SANBR: variants seen among roughly 807,000 people sequenced by gnomAD.
The protein encoded by SANBR is SANT and BTB domain regulator of CSR, also known as SANT and BTB domain regulator of class switch recombination.
A neutral mutation model predicts 101.8 loss-of-function variants in SANBR; 77 were observed. The observed-to-expected ratio is 0.76, with a 90% CI of 0.63 to 0.91. The LOEUF (loss-of-function observed/expected upper bound fraction) is 0.91. Among genes scored for constraint, SANBR ranks in the 40% least tolerant of loss-of-function variants. The pLI, the probability that SANBR is intolerant of heterozygous loss-of-function variation, is 0.00. For missense variants in SANBR, 875 were observed against 853.0 expected (o/e 1.03, Z -0.32); for synonymous variants, 279 against 274.7 (o/e 1.02, Z -0.15).
At position 61,085,448 on chromosome 2, in the gene SANBR, C is replaced by T. The variant is rs191406377; in HGVS notation, c.890+2134C>T. 3.0e-3 allele frequency among the ~76,000 whole-genome samples: 450 copies of T among 152,034 alleles called. 2 individuals are homozygous for T. The highest frequency in any genetic ancestry group is 0.01 in the African/African-American group (422 of 41,460). On this transcript the variant is annotated intron_variant, in intron 8 of 21. Coordinates refer to ENST00000402291, the MANE Select transcript of SANBR (RefSeq NM_001129993.3). ...GTTTACTATATGTGAAGTCTGTTTC[C>T]GAATTGTCCTTTGTGTTCTGTTGAT...
intron 7 of SANBR, among the ~76,000 whole-genome samples, chr2:61,082,708 A>G (rs2104876439): frequency 6.6e-6 from 1 of 152,286 alleles, no homozygotes; most frequent in East Asian, 1.9e-4. Context: ...AGGCCCAGCT[A>G]CTAGGGATGC....
intron 7 of SANBR, among the ~76,000 whole-genome samples, chr2:61,082,952 A>G (rs1355544669): frequency 1.3e-5 from 2 of 152,338 alleles, no homozygotes; most frequent in South Asian, 2.1e-4. Context: ...TTTTTTAGGT[A>G]TGTATATATG....
Position 61,116,048 on chromosome 2 carries a change from G to A in SANBR, c.1814G>A (p.Arg605Lys). The A allele has an allele frequency of 6.2e-7, 1 of 1,608,580 alleles. No homozygotes were observed. Among genetic ancestry groups the A allele is most frequent in the Non-Finnish European group, 8.5e-7 (1 of 1,177,976 alleles). ...CAGGTATCTTCACCCTGTGCCCAGA[G>A]GAAAGAAAAGGCATTGGAGAAGGTA... ...KKQVSSPCAQ[R>K]KEKALEKSAS... Residue 605 changes from arginine (R) to lysine (K), a missense_variant, in exon 17 of 22, where the codon AGG becomes AAG. Transcript: ENST00000402291.
intron 12 of SANBR, among the ~76,000 whole-genome samples, chr2:61,099,636 T>G (rs1331317664): frequency 2.0e-5 from 3 of 152,168 alleles, no homozygotes; most frequent in Admixed American, 1.3e-4. Context: ...AGGCTGGAGA[T>G]AATAACTCAT....
chr2:61,116,061 A>G lies in SANBR; in HGVS notation c.1827A>G (p.Ala609=). The G allele has an allele frequency of 6.2e-7, 1 of 1,604,754 alleles. No homozygotes were observed. Among genetic ancestry groups the G allele is most frequent in the Non-Finnish European group, 8.5e-7 (1 of 1,174,998 alleles). ...SSPCAQRKEK[A]LEKSASRDVS... is the part of the protein sequence containing the mutation. Reference sequence around the variant, plus strand: ...CCTGTGCCCAGAGGAAAGAAAAGGCATTGGAGAAGGTAACTCTGAATTATC... The same window carrying G: ...CCTGTGCCCAGAGGAAAGAAAAGGCGTTGGAGAAGGTAACTCTGAATTATC... The change falls in exon 17 of 22, where the codon GCA becomes GCG. Residue 609 remains alanine (A), a synonymous_variant. Coordinates refer to ENST00000402291, the MANE Select transcript of SANBR (RefSeq NM_001129993.3).
rs779520403 is a variant in SANBR at position 61,077,149 on chromosome 2, C to T, written c.661C>T (p.Pro221Ser). 39 of 1,592,168 alleles carry T rather than the reference C, an allele frequency of 2.4e-5. No homozygotes were observed. The highest frequency in any genetic ancestry group is 3.1e-5 in the Non-Finnish European group (36 of 1,161,544). Residue 221 changes from proline to serine, a missense_variant, in exon 6 of 22, where the codon CCC becomes TCC. By Grantham distance (74) the Pro-to-Ser change is moderately conservative (BLOSUM62 -1). Transcript: ENST00000402291. ...TAAGGAGAATAAAGATTGTGAGATGCCCACTTTAGGTAAAAAACAATCTGT... is the reference window on the plus strand; with the variant it reads ...TAAGGAGAATAAAGATTGTGAGATGTCCACTTTAGGTAAAAAACAATCTGT... ...NTKENKDCEM[P>S]TLEPGNVISI... is the part of the protein sequence containing the mutation.
At chr2:61,098,211 C>T (rs997079227) in intron 12 of SANBR, among the ~76,000 whole-genome samples, 1 of 151,666 alleles carries the variant, frequency 6.6e-6, no homozygotes, top group African/African-American at 2.4e-5. Flanking sequence ...TCAAACAATC[C>T]TCCCACCTCA....
chr2:61,117,187 A>G, intron 17 of SANBR, 170 bp from the exon 18 acceptor site: 1 of 633,066 alleles, frequency 1.6e-6, no homozygotes, highest in Non-Finnish European at 2.8e-6. Context: ...GAAGATATTA[A>G]TAGTGCCTGT....
rs925040480 is a variant in SANBR at position 61,073,137 on chromosome 2, G to A, written c.338-321G>A. On this transcript the variant is annotated intron_variant, in intron 4 of 21. Transcript: ENST00000402291. ...AGTTATTTTAATCTCAGCAGCGGCA[G>A]AGTATTGATGTAAAAATTTGCTTCA... Among the ~76,000 whole-genome samples, 6 of 152,256 alleles carry A rather than the reference G, an allele frequency of 3.9e-5. No individual in the cohort carries two copies. In the South Asian group the frequency reaches 1.0e-3, roughly 26 times the overall value.
At position 61,071,567 on chromosome 2, in the gene SANBR, T is replaced by A. The variant is rs1368727872; in HGVS notation, c.151-39T>A. On this transcript the variant is annotated intron_variant, in intron 3 of 21. Transcript: ENST00000402291. ...TCCGTCTCAAAAAAAAAAAAAAAAA[T>A]TCCCAAACCTCTGTTTCTTTCATTT... 2.7e-5 allele frequency: 33 copies of A among 1,231,678 alleles called. No homozygotes were observed. The East Asian group carries it at 2.7e-4, about 10-fold the overall frequency. The allele number at this position is 1,231,678 out of a possible 1,614,324, so 76.3% of individuals were successfully genotyped here.
chr2:61,128,455 G>A (rs2104986159), downstream of SANBR, among the ~76,000 whole-genome samples: 1 of 152,094 alleles, frequency 6.6e-6, no homozygotes, highest in South Asian at 2.1e-4. Context: ...AAGAGTTCAA[G>A]ACCAGCCTGG....
rs187588793 is a variant in SANBR, at chr2:61,076,345, C to T, written c.432-575C>T. On this transcript the variant is annotated intron_variant, in intron 5 of 21. Transcript: ENST00000402291. ...GAAAAATAAATTTCAAGGCTGGGCG[C>T]GGTGGCTCACGCCTGTAATCCCAGC... Among the ~76,000 whole-genome samples, 315 of 147,748 alleles carry T rather than the reference C, an allele frequency of 2.1e-3. 1 individual carries two copies. Among genetic ancestry groups the T allele is most frequent in the Middle Eastern group, 6.9e-3 (2 of 290 alleles).
chr2:61,086,354 AAAAT>A (rs1343940025), intron 8 of SANBR, among the ~76,000 whole-genome samples: 4 of 151,614 alleles, frequency 2.6e-5, no homozygotes, highest in African/African-American at 7.3e-5. Flanking sequence ...ATTTATTCCT[AAAAT>A]AAATTAAATA....
intron 16 of SANBR, among the ~76,000 whole-genome samples, chr2:61,114,617 A>T (rs886551356): frequency 1.3e-5 from 2 of 152,116 alleles, no homozygotes; most frequent in African/African-American, 4.8e-5. Context: ...TTGCATATAT[A>T]TATGTGTGTA....
chr2:61,106,666 A>G lies in SANBR; in HGVS notation c.1611+4A>G. The G allele has an allele frequency of 1.3e-6, 2 of 1,524,658 alleles. No homozygotes were observed. Among genetic ancestry groups the G allele is most frequent in the Non-Finnish European group, 1.8e-6 (2 of 1,126,522 alleles). The allele number at this position is 1,524,658 out of a possible 1,614,324, so 94.4% of individuals were successfully genotyped here. On this transcript the variant is annotated splice_donor_region_variant and intron_variant, in intron 14 of 21. Transcript: ENST00000402291. Reference sequence around the variant, plus strand: ...CAAAACTGGGGAGCTCAATGCTGTGAGTAGTTTTTTTTCACTTATTCTTTA... The same window carrying G: ...CAAAACTGGGGAGCTCAATGCTGTGGGTAGTTTTTTTTCACTTATTCTTTA...
chr2:61,132,661 C>T (rs948951795), intron 20 of SANBR, among the ~76,000 whole-genome samples: 6 of 152,124 alleles, frequency 3.9e-5, no homozygotes, highest in Admixed American at 6.6e-5. Flanking sequence ...CAGATATATA[C>T]GCAAAAGAAT....
At chr2:61,089,857 A>G (rs764508442) in intron 10 of SANBR, among the ~76,000 whole-genome samples, 2 of 152,142 alleles carry the variant, frequency 1.3e-5, no homozygotes, top group African/African-American at 4.8e-5. Context: ...CAGTGGTGCA[A>G]TCATAGCTCA....
At chr2:61,110,847 TAA>T (rs34809406) in intron 16 of SANBR, among the ~76,000 whole-genome samples, 78 of 147,204 alleles carry the variant, frequency 5.3e-4, no homozygotes, top group Middle Eastern at 3.6e-3. Context: ...AAACTCCATC[TAA>T]AAAAAAAAAA....
At chr2:61,111,927 A>G (rs751013775) in intron 16 of SANBR, among the ~76,000 whole-genome samples, 1 of 152,188 alleles carries the variant, frequency 6.6e-6, no homozygotes, top group Non-Finnish European at 1.5e-5. Flanking sequence ...TGGCTATACC[A>G]TACTTTGTTT....
Sources: gnomAD v4.1 joint callset for allele counts (sites outside exome capture counted in the v4.1 genomes callset) on GRCh38, gnomAD v4.1.1 for gene constraint, MANE v1.5 for transcripts, NCBI Gene and HGNC (gene_info 2026-07-23, HGNC 2026-07-21) for gene names.